SDK1: variants seen among roughly 807,000 people sequenced by gnomAD.
SDK1 encodes the protein protein sidekick-1.
SDK1 carries 157 observed loss-of-function variants against 245.5 expected under a neutral mutation model. The observed-to-expected ratio is 0.64, with a 90% CI of 0.56 to 0.73. The LOEUF (loss-of-function observed/expected upper bound fraction) is 0.73, where lower values mean the gene tolerates loss of function less well. Among genes scored for constraint, SDK1 ranks in the 30% least tolerant of loss-of-function variants. SDK1 has a pLI of 0.00. For missense variants in SDK1, 3,583 were observed against 3,002.3 expected (o/e 1.19, Z -4.52); for synonymous variants, 1,647 against 1,278.5 (o/e 1.29, Z -6.15).
At chr7:3,314,316 C>G (rs539086363) in intron 1 of SDK1, among the ~76,000 whole-genome samples, 74 of 152,312 alleles carry the variant, frequency 4.9e-4, no homozygotes, top group African/African-American at 1.7e-3. Context: ...GACCAAACAT[C>G]AAGACCTTCA....
intron 5 of SDK1, among the ~76,000 whole-genome samples, chr7:3,895,584 C>T (rs1303542206): frequency 2.6e-5 from 4 of 152,184 alleles, no homozygotes; most frequent in Admixed American, 1.3e-4. Flanking sequence ...AAGCAACTCA[C>T]GGAAGGACCC....
chr7:3,437,717 C>T (rs1242381546), intron 1 of SDK1, among the ~76,000 whole-genome samples: 2 of 152,098 alleles, frequency 1.3e-5, no homozygotes, highest in Non-Finnish European at 2.9e-5. Flanking sequence ...CCACTGCACT[C>T]CAGCCTGGGT....
rs74633154 is a variant in SDK1, at chr7:3,412,488, T to C, written c.298+110604T>C. Among the ~76,000 whole-genome samples the C allele has an allele frequency of 6.9e-3, 1,050 of 152,356 alleles. 16 individuals are homozygous for C. Among genetic ancestry groups the C allele is most frequent in the African/African-American group, 0.024 (993 of 41,580 alleles). ...GTTAAATGGCACTGCAAAATGTTCCTTTATGTGTTTATACCATAATTTATT... is the reference window on the plus strand; with the variant it reads ...GTTAAATGGCACTGCAAAATGTTCCCTTATGTGTTTATACCATAATTTATT... On this transcript the variant is annotated intron_variant, in intron 1 of 44. Coordinates refer to ENST00000404826, the MANE Select transcript of SDK1 (RefSeq NM_152744.4).
chr7:3,834,361 C>T (rs1779983582), intron 5 of SDK1, among the ~76,000 whole-genome samples: 1 of 152,128 alleles, frequency 6.6e-6, no homozygotes, highest in African/African-American at 2.4e-5. Flanking sequence ...GAGGCTGGCG[C>T]ACCAGGAAAT....
chr7:4,214,793 C>T (rs1321881034), intron 38 of SDK1, among the ~76,000 whole-genome samples: 1 of 152,236 alleles, frequency 6.6e-6, no homozygotes, highest in Non-Finnish European at 1.5e-5. Flanking sequence ...CCTTATAGAG[C>T]TTCCTCTAGA....
At chr7:3,513,821 C>G (rs1203823937) in intron 1 of SDK1, among the ~76,000 whole-genome samples, 2 of 151,934 alleles carry the variant, frequency 1.3e-5, no homozygotes, top group Non-Finnish European at 2.9e-5. Flanking sequence ...GTCTGTTGTT[C>G]ACATCTTTAT....
intron 35 of SDK1, among the ~76,000 whole-genome samples, chr7:4,192,981 A>G (rs543757824): frequency 2.0e-5 from 3 of 147,744 alleles, no homozygotes; most frequent in African/African-American, 2.5e-5. Context: ...AGAGGGACAG[A>G]ACCAATAGGC....
At chr7:3,481,761 C>T (rs958106552) in intron 1 of SDK1, among the ~76,000 whole-genome samples, 1 of 152,194 alleles carries the variant, frequency 6.6e-6, no homozygotes, top group Admixed American at 6.5e-5. Flanking sequence ...GTGCAAACAG[C>T]AGTTGTCATT....
intron 1 of SDK1, among the ~76,000 whole-genome samples, chr7:3,473,305 G>A (rs1276941173): frequency 6.6e-6 from 1 of 152,106 alleles, no homozygotes; most frequent in African/African-American, 2.4e-5. Flanking sequence ...TCCCAAACTG[G>A]GGAATCAATT....
intron 4 of SDK1, among the ~76,000 whole-genome samples, chr7:3,782,435 A>T (rs1780774812): frequency 6.6e-6 from 1 of 152,208 alleles, no homozygotes. Context: ...GAGAGGATAA[A>T]TGTGAAATCA....
intron 5 of SDK1, among the ~76,000 whole-genome samples, chr7:3,823,898 C>G (rs561535489): frequency 6.6e-6 from 1 of 150,950 alleles, no homozygotes; most frequent in Non-Finnish European, 1.5e-5. Context: ...TGGTGACATA[C>G]GGGATTTACG....
At chr7:4,196,451 G>C (rs1783581291) in intron 35 of SDK1, among the ~76,000 whole-genome samples, 1 of 152,220 alleles carries the variant, frequency 6.6e-6, no homozygotes, top group African/African-American at 2.4e-5. Flanking sequence ...AAGCCATTCA[G>C]TCCCCTGGAC....
chr7:3,330,709 A>T (rs1370886302), intron 1 of SDK1, among the ~76,000 whole-genome samples: 1 of 151,558 alleles, frequency 6.6e-6, no homozygotes, highest in Non-Finnish European at 1.5e-5. Context: ...ACGGTGACTC[A>T]TGCCTGCAAT....
At chr7:3,391,686 G>C (rs1781760251) in intron 1 of SDK1, among the ~76,000 whole-genome samples, 1 of 143,788 alleles carries the variant, frequency 7.0e-6, no homozygotes, top group Non-Finnish European at 1.5e-5. Context: ...TCCTGGGTTA[G>C]AGTGCAGTGG....
In SDK1 at chr7:4,085,797, C is replaced by T. The variant is rs530463452; in HGVS notation, c.3324+6213C>T. 1.4e-4 allele frequency among the ~76,000 whole-genome samples: 21 copies of T among 152,206 alleles called. No homozygotes were observed. In the South Asian group the frequency reaches 3.9e-3, roughly 29 times the overall value. On this transcript the variant is annotated intron_variant, in intron 22 of 44. Coordinates refer to ENST00000404826, the MANE Select transcript of SDK1 (RefSeq NM_152744.4). ...CTTGAACTCCTAACCTCAAGTGATC[C>T]GCCCGCCTCAGCCTCCCAGAGTGCT...
At chr7:3,516,765 C>G (rs547624599) in intron 1 of SDK1, among the ~76,000 whole-genome samples, 2 of 152,146 alleles carry the variant, frequency 1.3e-5, no homozygotes, top group African/African-American at 4.8e-5. Context: ...TTGAAAGATA[C>G]TGAGTATTAG....
rs6462536 is a variant in SDK1 at position 4,015,139 on chromosome 7, G to A, written c.2421-2032G>A. Among the ~76,000 whole-genome samples, 1,175 of 152,182 alleles carry A rather than the reference G, an allele frequency of 7.7e-3. 16 individuals are homozygous for A. Among genetic ancestry groups the A allele is most frequent in the African/African-American group, 0.027 (1,137 of 41,502 alleles). ...ACATTCAGTGTCTCCTTTGACTCTT[G>A]CAACAAGAATGGAAATGCTACTGTC... On this transcript the variant is annotated intron_variant, in intron 16 of 44. Coordinates refer to ENST00000404826, the MANE Select transcript of SDK1 (RefSeq NM_152744.4).
In SDK1 at chr7:3,536,466, G is replaced by A. The variant is rs573762005; in HGVS notation, c.299-82614G>A. Among the ~76,000 whole-genome samples the A allele has an allele frequency of 3.9e-5, 6 of 152,108 alleles. No individual in the cohort carries two copies. In the South Asian group the frequency reaches 6.2e-4, roughly 16 times the overall value. Reference sequence around the variant, plus strand: ...GGCCAAGGTGGGCAGATCACTTGAGGCCAGGAGTTGAGACCAGCCTGGCCA... The same window carrying A: ...GGCCAAGGTGGGCAGATCACTTGAGACCAGGAGTTGAGACCAGCCTGGCCA... On this transcript the variant is annotated intron_variant, in intron 1 of 44. Transcript: ENST00000404826.
intron 1 of SDK1, among the ~76,000 whole-genome samples, chr7:3,482,814 C>T (rs1306309526): frequency 6.6e-6 from 1 of 152,180 alleles, no homozygotes; most frequent in African/African-American, 2.4e-5. Context: ...GTAAAGGATT[C>T]TCAGGCAACT....
Sources: gnomAD v4.1 joint callset for allele counts (sites outside exome capture counted in the v4.1 genomes callset) on GRCh38, gnomAD v4.1.1 for gene constraint, MANE v1.5 for transcripts, NCBI Gene and HGNC (gene_info 2026-07-23, HGNC 2026-07-21) for gene names.